Variants in FBH1 observed in about 807,000 individuals in gnomAD.
FBH1 encodes the protein F-box DNA helicase 1.
A neutral mutation model predicts 115.5 loss-of-function variants in FBH1; 43 were observed. That is an observed-to-expected ratio of 0.37 (90% CI 0.29 to 0.48). The LOEUF is 0.48. Among genes scored for constraint, FBH1 ranks in the 20% least tolerant of loss-of-function variants. The pLI is 0.99. For synonymous variants in FBH1, 524 were observed against 507.8 expected, an observed-to-expected ratio of 1.03 and a Z score of -0.43; for missense variants, 1,001 against 1,337.3, an observed-to-expected ratio of 0.75 and a Z score of 3.92.
chr10:5,902,151 G>T (rs1199766938), intron 1 of FBH1, among the ~76,000 whole-genome samples: 1 of 152,096 alleles, frequency 6.6e-6, no homozygotes, highest in Admixed American at 6.6e-5. Flanking sequence ...TTTGGGGGCT[G>T]GGGGAGTCGC....
At position 5,917,405 on chromosome 10, in the gene FBH1, T is replaced by A. The variant is rs754983597; in HGVS notation, c.1789-15T>A. 1 of 1,612,432 alleles carries A rather than the reference T, an allele frequency of 6.2e-7. No individual in the cohort carries two copies. The highest frequency in any genetic ancestry group is 8.5e-7 in the Non-Finnish European group (1 of 1,178,768). On this transcript the variant is annotated splice_polypyrimidine_tract_variant and intron_variant, in intron 10 of 20. Transcript: ENST00000362091. This position sits in a 1 kb window ranked among gnomAD's most constrained non-coding sequence, Gnocchi z 5.6. Reference sequence around the variant, plus strand: ...GGGTCTCAAACTCTGGGTTACCATATGCTTTACTTCCTAGAATGGTGTCCT... The same window carrying A: ...GGGTCTCAAACTCTGGGTTACCATAAGCTTTACTTCCTAGAATGGTGTCCT...
rs759834568 is a variant in FBH1, at chr10:5,933,938, C to T, written c.2830-2518C>T. ...AAGTGTTGGGATTATAGGCGTGAGC[C>T]ACCATGTCCAGCCTTTTTTGTTGTT... On this transcript the variant is annotated intron_variant, in intron 19 of 20. Transcript: ENST00000362091. This position sits in a 1 kb window ranked among gnomAD's most constrained non-coding sequence, Gnocchi z 4.9. Among the ~76,000 whole-genome samples the T allele has an allele frequency of 1.8e-4, 28 of 152,184 alleles. No individual in the cohort carries two copies. Among genetic ancestry groups the T allele is most frequent in the Admixed American group, 2.0e-4 (3 of 15,286 alleles).
In FBH1 at chr10:5,895,753, G is replaced by A. The variant is rs1001982391; in HGVS notation, c.1+5407G>A. 2.0e-5 allele frequency among the ~76,000 whole-genome samples: 3 copies of A among 152,182 alleles called. No homozygotes were observed. Among genetic ancestry groups the A allele is most frequent in the African/African-American group, 7.2e-5 (3 of 41,448 alleles). ...TCTATTTTGAACACCCGGCTTCTAA[G>A]GATGTCCTGGGAATCAGCTTCCCAG... On this transcript the variant is annotated intron_variant, in intron 1 of 20. Transcript: ENST00000362091. The surrounding 1 kb of genome is among the most constrained non-coding windows in gnomAD (Gnocchi z 5.0).
In FBH1 at chr10:5,895,298, C is replaced by T. The variant is rs1034825957; in HGVS notation, c.1+4952C>T. ...GTTAAAGTTGGGTATGGTATTGTAG[C>T]AGTTTCTCCAGTCAGGTACCTTGTA... On this transcript the variant is annotated intron_variant, in intron 1 of 20. Transcript: ENST00000362091. The surrounding 1 kb of genome is among the most constrained non-coding windows in gnomAD (Gnocchi z 5.0). 96 of 1,174,602 alleles carry T rather than the reference C, an allele frequency of 8.2e-5. No homozygotes were observed. Among genetic ancestry groups the T allele is most frequent in the Non-Finnish European group, 9.8e-5 (85 of 866,648 alleles). The allele number at this position is 1,174,602 out of a possible 1,614,324, so 72.8% of individuals were successfully genotyped here.
intron 1 of FBH1, among the ~76,000 whole-genome samples, chr10:5,901,821 C>T (rs1281922252): frequency 2.6e-5 from 4 of 152,144 alleles, no homozygotes; most frequent in African/African-American, 4.8e-5. Flanking sequence ...ATCTTGGCCT[C>T]TCAAAGTGCT....
Position 5,936,353 on chromosome 10 carries a change from C to A in FBH1, c.2830-103C>A. 7.4e-7 allele frequency: 1 copy of A among 1,345,904 alleles called. No homozygotes were observed. The highest frequency in any genetic ancestry group is 2.4e-5 in the East Asian group (1 of 42,210). The allele number at this position is 1,345,904 out of a possible 1,614,324, so 83.4% of individuals were successfully genotyped here. A position where few individuals can be genotyped will look rare whatever the true frequency, so the allele number is the denominator to read the frequency against. On this transcript the variant is annotated intron_variant, in intron 19 of 20. Coordinates refer to ENST00000362091, the MANE Select transcript of FBH1 (RefSeq NM_178150.3). This position sits in a 1 kb window ranked among gnomAD's most constrained non-coding sequence, Gnocchi z 5.6. ...GCGGGGTTTTTCTCTCTGGGACTTA[C>A]AGTGCATCTAAAGGGTTCTCACAGA...
Position 5,925,963 on chromosome 10 carries a change from G to T in FBH1, c.2722+471G>T, listed in dbSNP as rs1036388956. Among the ~76,000 whole-genome samples, 2 of 152,100 alleles carry T rather than the reference G, an allele frequency of 1.3e-5. No homozygotes were observed. The highest frequency in any genetic ancestry group is 2.4e-5 in the African/African-American group (1 of 41,394). ...CTGGTGTTTTTTGGTACAGACAGGG[G>T]TCTCACTATGTTGCTCAGGCTGGTC... On this transcript the variant is annotated intron_variant, in intron 18 of 20. Coordinates refer to ENST00000362091, the MANE Select transcript of FBH1 (RefSeq NM_178150.3). The surrounding 1 kb of genome is among the most constrained non-coding windows in gnomAD (Gnocchi z 4.6).
At chr10:5,919,697 G>GT (rs1302706305) in intron 13 of FBH1, among the ~76,000 whole-genome samples, 1 of 152,188 alleles carries the variant, frequency 6.6e-6, no homozygotes, top group Admixed American at 6.5e-5. Flanking sequence ...TTGGATGAAA[G>GT]TATCAACTGT....
At position 5,918,239 on chromosome 10, in the gene FBH1, A is replaced by C. The variant is rs1428439910; in HGVS notation, c.1964-103A>C. The C allele has an allele frequency of 3.5e-6, 5 of 1,420,810 alleles. No individual in the cohort carries two copies. The highest frequency in any genetic ancestry group is 2.5e-5 in the South Asian group (2 of 78,972). 88.0% of individuals were successfully genotyped at this position (1,420,810 alleles called of 1,614,324 possible). On this transcript the variant is annotated intron_variant, in intron 12 of 20. Transcript: ENST00000362091. This position sits in a 1 kb window ranked among gnomAD's most constrained non-coding sequence, Gnocchi z 4.0. ...ACAGGAAAAGGCGACCGTGAGGTCC[A>C]GTGTGCCCTGGCTTAGCTTCGTGGA...
intron 2 of FBH1, among the ~76,000 whole-genome samples, chr10:5,904,871 C>T (rs939346511): frequency 5.3e-5 from 8 of 151,794 alleles, no homozygotes; most frequent in African/African-American, 1.7e-4. Flanking sequence ...AGAAAAATAT[C>T]TGTTTCAGTT....
rs1831818912 is a variant in FBH1, at chr10:5,914,708, C to T, written c.1396+439C>T. ...TATATTATCTACAAGTGTCCTGCCT[C>T]AGTCAGCCACGCCGATCCACTCACA... On this transcript the variant is annotated intron_variant, in intron 8 of 20. Transcript: ENST00000362091. The surrounding 1 kb of genome is among the most constrained non-coding windows in gnomAD (Gnocchi z 5.2). Among the ~76,000 whole-genome samples, 1 of 152,204 alleles carries T rather than the reference C, an allele frequency of 6.6e-6. No individual in the cohort carries two copies. The highest frequency in any genetic ancestry group is 2.4e-5 in the African/African-American group (1 of 41,458).
In FBH1 at chr10:5,925,491, T is replaced by G. The variant is rs138973264; in HGVS notation, c.2721T>G (p.Val907=). 3.3e-4 allele frequency: 536 copies of G among 1,613,844 alleles called. 8 individuals are homozygous for G. The East Asian group carries it at 0.012, about 35-fold the overall frequency. ...HNLPQLPHFR[V]ESFSEDEWNL... ...TGCCCCAGCTTCCGCACTTCAGAGT[T>G]GGTAAGAGGCCGCCGGGTAGTGTCA... Residue 907 remains valine (V), a splice_region_variant and synonymous_variant, in exon 18 of 21, where the codon GTT becomes GTG. Coordinates refer to ENST00000362091, the MANE Select transcript of FBH1 (RefSeq NM_178150.3). The surrounding 1 kb of genome is among the most constrained non-coding windows in gnomAD (Gnocchi z 4.6).
rs544114387 is a variant in FBH1 at position 5,918,851 on chromosome 10, C to T, written c.2100+373C>T. Among the ~76,000 whole-genome samples the T allele has an allele frequency of 6.6e-6, 1 of 152,342 alleles. No individual in the cohort carries two copies. Among genetic ancestry groups the T allele is most frequent in the Admixed American group, 6.5e-5 (1 of 15,306 alleles). The stretch of plus-strand genomic sequence containing the variant: ...GAAAATAACTGACAGTGTTTGTTGT[C>T]AAAAGTAACATCTTTGCTTTCAAGT... On this transcript the variant is annotated intron_variant, in intron 13 of 20. Transcript: ENST00000362091. The surrounding 1 kb of genome is among the most constrained non-coding windows in gnomAD (Gnocchi z 4.0).
Position 5,924,943 on chromosome 10 carries a change from T to G in FBH1, c.2597-424T>G, listed in dbSNP as rs1407537762. On this transcript the variant is annotated intron_variant, in intron 17 of 20. Transcript: ENST00000362091. This position sits in a 1 kb window ranked among gnomAD's most constrained non-coding sequence, Gnocchi z 6.2. ...TTGCTTAAGGGAAAGGGGAGCAGAG[T>G]CCTGGTTCTTCCTCAGGGGCTCTTT... 1.1e-5 allele frequency: 4 copies of G among 356,402 alleles called. No individual in the cohort carries two copies. The highest frequency in any genetic ancestry group is 2.2e-5 in the Non-Finnish European group (4 of 183,202). The allele number at this position is 356,402 out of a possible 1,614,324, so 22.1% of individuals were successfully genotyped here. A position where few individuals can be genotyped will look rare whatever the true frequency, so the allele number is the denominator to read the frequency against.
At chr10:5,892,249 G>A (rs1842778166) in intron 1 of FBH1, among the ~76,000 whole-genome samples, 1 of 152,168 alleles carries the variant, frequency 6.6e-6, no homozygotes, top group East Asian at 1.9e-4. Context: ...GCACCGACTT[G>A]CTCCTTGGCT....
chr10:5,913,933 CATT>C lies in FBH1; in HGVS notation c.1304+95_1304+97del, dbSNP rs1831768181. ...ATGTTTTGCTTCACTTTAGCAACATCATTGAGGTTAATAATGTAAATTGTGTAA... is the reference window on the plus strand; with the variant it reads ...ATGTTTTGCTTCACTTTAGCAACATCGAGGTTAATAATGTAAATTGTGTAA... On this transcript the variant is annotated intron_variant, in intron 7 of 20. Transcript: ENST00000362091. This position sits in a 1 kb window ranked among gnomAD's most constrained non-coding sequence, Gnocchi z 4.4. The C allele has an allele frequency of 2.0e-6, 2 of 993,272 alleles. No homozygotes were observed. Among genetic ancestry groups the C allele is most frequent in the Non-Finnish European group, 3.1e-6 (2 of 651,034 alleles). The allele number at this position is 993,272 out of a possible 1,614,324, so 61.5% of individuals were successfully genotyped here. A position where few individuals can be genotyped will look rare whatever the true frequency, so the allele number is the denominator to read the frequency against.
In FBH1 at chr10:5,913,855, C is replaced by A; in HGVS notation, c.1304+16C>A. 1 of 1,566,842 alleles carries A rather than the reference C, an allele frequency of 6.4e-7. No homozygotes were observed. Among genetic ancestry groups the A allele is most frequent in the Non-Finnish European group, 8.7e-7 (1 of 1,151,622 alleles). On this transcript the variant is annotated intron_variant, in intron 7 of 20. Coordinates refer to ENST00000362091, the MANE Select transcript of FBH1 (RefSeq NM_178150.3). This position sits in a 1 kb window ranked among gnomAD's most constrained non-coding sequence, Gnocchi z 4.4. ...TCTGGCCAGGGTATGTGTATATGTG[C>A]GTCAGCGTGTGTTTTGTCTTCTGTC...
At position 5,923,272 on chromosome 10, in the gene FBH1, A is replaced by G. The variant is rs1242659250; in HGVS notation, c.2323-349A>G. On this transcript the variant is annotated intron_variant, in intron 15 of 20. Coordinates refer to ENST00000362091, the MANE Select transcript of FBH1 (RefSeq NM_178150.3). This position sits in a 1 kb window ranked among gnomAD's most constrained non-coding sequence, Gnocchi z 5.7. ...CATTTGTGTTCTTTGGAATCGTCTT[A>G]TGTTCTTGGAAGATGCTTAAATTGC... 6.6e-6 allele frequency among the ~76,000 whole-genome samples: 1 copy of G among 152,202 alleles called. No homozygotes were observed. Among genetic ancestry groups the G allele is most frequent in the African/African-American group, 2.4e-5 (1 of 41,464 alleles).
At chr10:5,905,412 G>GGAGGCTGA (rs1404439015) in intron 2 of FBH1, 1 of 152,362 alleles carries the variant, frequency 6.6e-6, no homozygotes, top group Non-Finnish European at 1.5e-5. Context: ...CAGCTACTTG[G>GGAGGCTGA]GAGGCTGAGG....
Sources: gnomAD v4.1 joint callset for allele counts (sites outside exome capture counted in the v4.1 genomes callset) on GRCh38, gnomAD v4.1.1 for gene constraint, Gnocchi (gnomAD v3.1) non-coding constraint, MANE v1.5 for transcripts, NCBI Gene and HGNC (gene_info 2026-07-23, HGNC 2026-07-21) for gene names.